The following VAV3 variants were observed in gnomAD, a reference collection of about 807,000 sequenced individuals.
VAV3 encodes vav guanine nucleotide exchange factor 3.
A neutral mutation model predicts 131.2 loss-of-function variants in VAV3; 94 were observed. That is an observed-to-expected ratio of 0.72 (90% confidence interval 0.61 to 0.85). VAV3 has a LOEUF of 0.85. Ranked by LOEUF, VAV3 falls within the 40% of genes least tolerant of loss-of-function variation. The pLI is 0.00. For missense variants in VAV3, 939 were observed against 1,002.7 expected, an observed-to-expected ratio of 0.94 and a Z score of 0.86; for synonymous variants, 349 against 342.0, an observed-to-expected ratio of 1.02 and a Z score of -0.22.
At chr1:107,858,600 T>C (rs1375066745) in intron 2 of VAV3, among the ~76,000 whole-genome samples, 3 of 152,184 alleles carry the variant, frequency 2.0e-5, no homozygotes, top group African/African-American at 7.2e-5. Flanking sequence ...TACTGTGAAC[T>C]GTGCAAGCGA....
chr1:107,835,837 C>T (rs1424875802), intron 2 of VAV3, among the ~76,000 whole-genome samples: 1 of 152,208 alleles, frequency 6.6e-6, no homozygotes, highest in Non-Finnish European at 1.5e-5. Flanking sequence ...TACTCCACAA[C>T]CCATTCTGAC....
At chr1:107,611,275 C>T (rs1004302929) in intron 21 of VAV3, among the ~76,000 whole-genome samples, 1 of 152,086 alleles carries the variant, frequency 6.6e-6, no homozygotes, top group Non-Finnish European at 1.5e-5. Flanking sequence ...AATCATCTTT[C>T]TAGTCAGAAC....
intron 19 of VAV3, among the ~76,000 whole-genome samples, chr1:107,662,514 T>C (rs1657094739): frequency 6.6e-6 from 1 of 152,192 alleles, no homozygotes; most frequent in South Asian, 2.1e-4. Context: ...TGCTGCTGTT[T>C]TTCAATGATC....
chr1:107,671,222 C>T (rs1657767969), intron 19 of VAV3, among the ~76,000 whole-genome samples: 1 of 152,170 alleles, frequency 6.6e-6, no homozygotes, highest in African/African-American at 2.4e-5. Context: ...CTGAAGACAT[C>T]ACACGATTTT....
chr1:107,805,208 G>A (rs1184785412), intron 2 of VAV3, among the ~76,000 whole-genome samples: 1 of 152,054 alleles, frequency 6.6e-6, no homozygotes, highest in Admixed American at 6.6e-5. Flanking sequence ...TCTTTCTCAA[G>A]TTTTGAAAAG....
rs1649234419 is a variant in VAV3, at chr1:107,571,166, T to G, written c.*2165A>C. On this transcript the variant is annotated 3_prime_UTR_variant, in exon 27 of 27. Transcript: ENST00000370056. ...AAGACTCCAACTCTTAGAAATCAAT[T>G]TAGTCACTATTTATTATATTGACAT... 2 of 152,656 alleles carry G rather than the reference T, an allele frequency of 1.3e-5. No homozygotes were observed. Among genetic ancestry groups the G allele is most frequent in the South Asian group, 4.1e-4 (2 of 4,838 alleles). 9.5% of individuals were successfully genotyped at this position (152,656 alleles called of 1,614,324 possible).
At chr1:107,736,406 G>A (rs1264918158) in intron 15 of VAV3, among the ~76,000 whole-genome samples, 2 of 152,136 alleles carry the variant, frequency 1.3e-5, no homozygotes, top group African/African-American at 2.4e-5. Flanking sequence ...TAGGAAAAGA[G>A]GAAATCAAAT....
At chr1:107,920,385 ATTC>A (rs1348008026) in intron 1 of VAV3, among the ~76,000 whole-genome samples, 1 of 152,192 alleles carries the variant, frequency 6.6e-6, no homozygotes, top group Non-Finnish European at 1.5e-5. Context: ...TAGGGACAAA[ATTC>A]TTCTCCCCTA....
chr1:107,608,238 GC>G (rs1051341917), intron 22 of VAV3, among the ~76,000 whole-genome samples: 31 of 152,094 alleles, frequency 2.0e-4, no homozygotes, highest in African/African-American at 7.5e-4. Flanking sequence ...ACCTTCGGGT[GC>G]CCTGAATGGT....
intron 7 of VAV3, 138 bp from the exon 8 acceptor site, chr1:107,766,688 A>G (rs1184553114): frequency 9.0e-6 from 6 of 665,794 alleles, no homozygotes; most frequent in Non-Finnish European, 1.6e-5. Context: ...TGCTTCCACC[A>G]ATAAAGAGAG....
At chr1:107,766,336 TC>T in intron 8 of VAV3, 110 bp downstream of exon 8, 1 of 674,986 alleles carries the variant, frequency 1.5e-6, no homozygotes, top group Non-Finnish European at 2.5e-6. Context: ...TAATTACTGC[TC>T]AGGTAGTAAT....
At chr1:107,600,388 T>C (rs1008495675) in intron 24 of VAV3, among the ~76,000 whole-genome samples, 4 of 152,222 alleles carry the variant, frequency 2.6e-5, no homozygotes, top group Admixed American at 6.5e-5. Context: ...CTAATGTTTG[T>C]TAGTTTCATT....
intron 25 of VAV3, 43 bp downstream of exon 25, chr1:107,596,169 T>C: frequency 1.3e-6 from 2 of 1,595,158 alleles, no homozygotes; most frequent in Non-Finnish European, 1.7e-6. Flanking sequence ...GTGCCCCTAA[T>C]TTTTAAGTGA....
intron 1 of VAV3, among the ~76,000 whole-genome samples, chr1:107,888,453 C>G (rs1482740898): frequency 6.6e-6 from 1 of 152,146 alleles, no homozygotes; most frequent in Non-Finnish European, 1.5e-5. Context: ...CCCTGAGACA[C>G]TTTTTGTTTG....
At chr1:107,901,683 C>A (rs761022685) in intron 1 of VAV3, among the ~76,000 whole-genome samples, 73 of 152,030 alleles carry the variant, frequency 4.8e-4, no homozygotes, top group Non-Finnish European at 9.6e-4. Flanking sequence ...GTATTATTTT[C>A]TTTCAACCAA....
intron 17 of VAV3, among the ~76,000 whole-genome samples, chr1:107,703,195 G>C (rs75443442): frequency 0.046 from 6,967 of 152,170 alleles, 214 homozygotes; most frequent in Non-Finnish European, 0.074. Context: ...TTAAAGAATG[G>C]GGCATATAAA....
In VAV3 at chr1:107,609,930, C is replaced by G. The variant is rs1652592842; in HGVS notation, c.2015+1G>C. Reference sequence around the variant, plus strand: ...GCTACATAAACATTTTTAATACTTACCAGGGTTGGCAAGAATAATCTACTG... The same window carrying G: ...GCTACATAAACATTTTTAATACTTAGCAGGGTTGGCAAGAATAATCTACTG... On this transcript the variant is annotated splice_donor_variant, in intron 22 of 26. Transcript: ENST00000370056. LOFTEE classifies it high-confidence loss of function. 2.5e-6 allele frequency: 4 copies of G among 1,611,916 alleles called. No individual in the cohort carries two copies. Among genetic ancestry groups the G allele is most frequent in the Non-Finnish European group, 3.4e-6 (4 of 1,178,542 alleles).
At chr1:107,828,576 C>A (rs527327628) in intron 2 of VAV3, among the ~76,000 whole-genome samples, 3 of 152,174 alleles carry the variant, frequency 2.0e-5, no homozygotes, top group South Asian at 2.1e-4. Flanking sequence ...TAATTCTTTT[C>A]TATGCCTGTT....
Position 107,596,237 on chromosome 1 carries a change from C to A in VAV3, c.2325G>T (p.Gln775His), listed in dbSNP as rs78276319. ...PYKEPEHSAGQRGNRAGNSLL... is the reference protein window; with the variant it reads ...PYKEPEHSAGHRGNRAGNSLL... ...AGCTGTTGCCTGCTCTATTACCCCT[C>A]TGTCCAGCTGAATGTTCTGGCTCCT... is the stretch of plus-strand genomic sequence containing the variant. Residue 775 changes from glutamine (Q) to histidine (H), a missense_variant, in exon 25 of 27, where the codon CAG becomes CAT. Physicochemically the swap from Gln to His is conservative, Grantham distance 24. Coordinates refer to ENST00000370056, the MANE Select transcript of VAV3 (RefSeq NM_006113.5). 1.9e-5 allele frequency: 30 copies of A among 1,613,560 alleles called. No individual in the cohort carries two copies. The East Asian group carries it at 6.7e-4, about 36-fold the overall frequency.
Sources: allele counts gnomAD v4.1 joint callset (sites outside exome capture counted in the v4.1 genomes callset), GRCh38; gene constraint gnomAD v4.1.1; transcripts MANE v1.5; gene names NCBI Gene and HGNC (gene_info 2026-07-23, HGNC 2026-07-21).